The following CACNA1E variants were observed in gnomAD, a reference collection of about 807,000 sequenced individuals.
The protein encoded by CACNA1E is voltage-dependent R-type calcium channel subunit alpha-1E.
CACNA1E carries 40 observed loss-of-function variants against 259.2 expected under a neutral mutation model. That is an observed-to-expected ratio of 0.15 (90% CI 0.12 to 0.20). CACNA1E has a LOEUF of 0.20. Among genes scored for constraint, CACNA1E ranks in the 10% least tolerant of loss-of-function variants. CACNA1E has a pLI of 1.00. For synonymous variants in CACNA1E, 1,104 were observed against 1,138.5 expected, an observed-to-expected ratio of 0.97 and a Z score of 0.61; for missense variants, 1,874 against 3,040.1, an observed-to-expected ratio of 0.62 and a Z score of 9.02.
chr1:181,320,507 A>G (rs540215964), intron 1 of CACNA1E, among the ~76,000 whole-genome samples: 1 of 152,320 alleles, frequency 6.6e-6, no homozygotes, highest in South Asian at 2.1e-4. Flanking sequence ...AGGCATTTTC[A>G]TAATTAATTG....
chr1:181,652,725 C>G (rs1658871956), intron 7 of CACNA1E, among the ~76,000 whole-genome samples: 1 of 152,112 alleles, frequency 6.6e-6, no homozygotes, highest in African/African-American at 2.4e-5. Flanking sequence ...TGCCCCACCC[C>G]ACTATAACCT....
intron 7 of CACNA1E, among the ~76,000 whole-genome samples, chr1:181,676,257 T>G (rs1043797944): frequency 2.0e-5 from 3 of 152,206 alleles, no homozygotes; most frequent in African/African-American, 7.2e-5. Flanking sequence ...CCACAGCATC[T>G]TAGAATTATT....
intron 7 of CACNA1E, among the ~76,000 whole-genome samples, chr1:181,670,209 A>G (rs1001566771): frequency 2.0e-5 from 3 of 152,166 alleles, no homozygotes; most frequent in Admixed American, 6.5e-5. Flanking sequence ...TTTTCTGTGC[A>G]CTTGCAGACA....
rs1662536102 is a variant in CACNA1E at position 181,805,030 on chromosome 1, A to G, written c.*6196A>G. On this transcript the variant is annotated 3_prime_UTR_variant, in exon 48 of 48. Coordinates refer to ENST00000367573, the MANE Select transcript of CACNA1E (RefSeq NM_001205293.3). ...CTCTTTGTGCAAACTTAAACCAGTC[A>G]TAGATTGTCACCCAGACATATTCTC... 1 of 151,642 alleles carries G rather than the reference A, an allele frequency of 6.6e-6. No individual in the cohort carries two copies. Among genetic ancestry groups the G allele is most frequent in the South Asian group, 2.1e-4 (1 of 4,810 alleles). The allele number at this position is 151,642 out of a possible 1,614,324, so 9.4% of individuals were successfully genotyped here. A position where few individuals can be genotyped will look rare whatever the true frequency, so the allele number is the denominator to read the frequency against.
intron 6 of CACNA1E, among the ~76,000 whole-genome samples, chr1:181,627,546 G>A (rs1477134389): frequency 1.3e-5 from 2 of 152,176 alleles, no homozygotes; most frequent in African/African-American, 4.8e-5. Context: ...GCCACTGCAG[G>A]GTTCTAAGCA....
exon 1 of CACNA1E, chr1:181,317,871 A>AT (rs1024988013): frequency 5.1e-4 from 78 of 151,760 alleles, no homozygotes; most frequent in African/African-American, 1.6e-3. Context: ...CAAGAGACAG[A>AT]TTTTTTTAAA....
rs758007711 is a variant in CACNA1E at position 181,750,499 on chromosome 1, C to T, written c.3731+12C>T. 8.1e-6 allele frequency: 13 copies of T among 1,611,238 alleles called. No homozygotes were observed. In the Admixed American group the frequency reaches 1.2e-4, roughly 14 times the overall value. On this transcript the variant is annotated intron_variant, in intron 26 of 47. Transcript: ENST00000367573. ...AGGAACGCTTTGGGGTAAATATGTTCGATTATCTTTGAAGTAAACGATACA... is the reference window on the plus strand; with the variant it reads ...AGGAACGCTTTGGGGTAAATATGTTTGATTATCTTTGAAGTAAACGATACA...
intron 34 of CACNA1E, among the ~76,000 whole-genome samples, chr1:181,763,821 G>T (rs966273575): frequency 6.6e-6 from 1 of 152,210 alleles, no homozygotes; most frequent in African/African-American, 2.4e-5. Context: ...TTTATAAGAT[G>T]TGCTTCATCC....
chr1:181,679,475 C>T (rs1482168869), intron 7 of CACNA1E, among the ~76,000 whole-genome samples: 2 of 152,190 alleles, frequency 1.3e-5, no homozygotes, highest in Non-Finnish European at 2.9e-5. Context: ...GGCCAGAGCT[C>T]CTGGGCAGCC....
intron 6 of CACNA1E, among the ~76,000 whole-genome samples, chr1:181,588,721 A>G (rs973768122): frequency 6.6e-6 from 1 of 152,128 alleles, no homozygotes; most frequent in African/African-American, 2.4e-5. Context: ...CATTTACTCT[A>G]ATATGCGGTT....
chr1:181,380,496 A>G (rs1266372442), intron 1 of CACNA1E, among the ~76,000 whole-genome samples: 2 of 152,208 alleles, frequency 1.3e-5, no homozygotes, highest in Non-Finnish European at 2.9e-5. Flanking sequence ...GAAAACTGCA[A>G]ATCAACATCC....
At chr1:181,570,164 C>CT (rs56413214) in intron 3 of CACNA1E, among the ~76,000 whole-genome samples, 15,693 of 146,590 alleles carry the variant, frequency 0.11, 905 homozygotes, top group South Asian at 0.2. Context: ...CTGTAGTAGA[C>CT]TTTTTTTTTT....
intron 2 of CACNA1E, among the ~76,000 whole-genome samples, chr1:181,422,289 G>A (rs1658806731): frequency 6.6e-6 from 1 of 152,214 alleles, no homozygotes; most frequent in South Asian, 2.1e-4. Context: ...CCCCAGTGCT[G>A]AGGGCAATGC....
chr1:181,512,873 G>GT (rs1342448899), intron 3 of CACNA1E, among the ~76,000 whole-genome samples: 2 of 152,138 alleles, frequency 1.3e-5, no homozygotes, highest in Non-Finnish European at 2.9e-5. Flanking sequence ...TGAAGATATA[G>GT]TTTTTACATA....
rs1420960927 is a variant in CACNA1E at position 181,520,254 on chromosome 1, G to C, written c.512+8744G>C. 2.6e-5 allele frequency among the ~76,000 whole-genome samples: 4 copies of C among 152,158 alleles called. No individual in the cohort carries two copies. The East Asian group carries it at 7.7e-4, about 29-fold the overall frequency. On this transcript the variant is annotated intron_variant, in intron 3 of 47. Transcript: ENST00000367573. ...AGGTCAAATAGTTACTAAGGGGAGA[G>C]ATTGGCCCTTTAATTCTATTATCAA...
At chr1:181,573,541 C>T (rs535942166) in intron 3 of CACNA1E, among the ~76,000 whole-genome samples, 16 of 152,300 alleles carry the variant, frequency 1.1e-4, no homozygotes, top group African/African-American at 2.4e-4. Flanking sequence ...GAAGATCCCA[C>T]GGGACAGGAT....
chr1:181,700,907 T>A (rs1273598512), intron 7 of CACNA1E, among the ~76,000 whole-genome samples: 1 of 152,150 alleles, frequency 6.6e-6, no homozygotes, highest in African/African-American at 2.4e-5. Context: ...CTCCCCCTGC[T>A]CCATTTTCCC....
intron 32 of CACNA1E, among the ~76,000 whole-genome samples, chr1:181,760,282 G>A (rs780501327): frequency 6.6e-6 from 1 of 152,072 alleles, no homozygotes; most frequent in Non-Finnish European, 1.5e-5. Context: ...TTCATTCAAG[G>A]TCTAGAGGGA....
In CACNA1E at chr1:181,483,773, C is replaced by A. The variant is rs761740155; in HGVS notation, c.29C>A (p.Ala10Asp). MARFGEAVV[A>D]RPGSGDGDSD... ...GCTCGCTTCGGGGAGGCGGTGGTCG[C>A]CAGGCCAGGGTCCGGCGATGGAGAC... Residue 10 changes from alanine to aspartate, a missense_variant, in exon 1 of 48, where the codon GCC becomes GAC. Ala to Asp is a moderately radical substitution (Grantham distance 126, BLOSUM62 -2). Around this residue, in one of 14 missense-constraint regions of CACNA1E, gnomAD observed 110 missense variants for 122.8 expected, o/e 0.90. Coordinates refer to ENST00000367573, the MANE Select transcript of CACNA1E (RefSeq NM_001205293.3). 6.2e-6 allele frequency: 10 copies of A among 1,610,374 alleles called. No individual in the cohort carries two copies. Among genetic ancestry groups the A allele is most frequent in the Non-Finnish European group, 8.5e-6 (10 of 1,178,450 alleles).
Sources: gnomAD v4.1 joint callset for allele counts (sites outside exome capture counted in the v4.1 genomes callset) on GRCh38, gnomAD v4.1.1 for gene constraint, gnomAD v4.1.1 regional missense constraint, MANE v1.5 for transcripts, NCBI Gene and HGNC (gene_info 2026-07-23, HGNC 2026-07-21) for gene names.